Variants in CAP2 observed in about 807,000 individuals in gnomAD.
CAP2 encodes adenylyl cyclase-associated protein 2.
A neutral mutation model predicts 57.7 loss-of-function variants in CAP2; 24 were observed. That is an observed-to-expected ratio of 0.42 (90% CI 0.30 to 0.58). The LOEUF is 0.58. Among genes scored for constraint, CAP2 ranks in the 20% least tolerant of loss-of-function variants. CAP2 has a pLI of 0.22. For missense variants in CAP2, 501 were observed against 590.3 expected (o/e 0.85, Z 1.57); for synonymous variants, 194 against 207.2 (o/e 0.94, Z 0.55).
At chr6:17,533,487 G>A (rs1357241576) in intron 7 of CAP2, among the ~76,000 whole-genome samples, 1 of 151,868 alleles carries the variant, frequency 6.6e-6, no homozygotes, top group Admixed American at 6.6e-5. Flanking sequence ...GCATTTTTCG[G>A]CGTTGTGCTG....
Position 17,408,521 on chromosome 6 carries a change from G to T in CAP2, c.-1-13034G>T, listed in dbSNP as rs1759048885. On this transcript the variant is annotated intron_variant, in intron 1 of 12. Coordinates refer to ENST00000229922, the MANE Select transcript of CAP2 (RefSeq NM_006366.3). Reference sequence around the variant, plus strand: ...GGGATCAGATTTCAACATAAGTTTTGCAGGGGGTCAAACAAACCAGACCAT... The same window carrying T: ...GGGATCAGATTTCAACATAAGTTTTTCAGGGGGTCAAACAAACCAGACCAT... 2.0e-5 allele frequency among the ~76,000 whole-genome samples: 3 copies of T among 152,220 alleles called. No individual in the cohort carries two copies. The South Asian group carries it at 6.2e-4, about 32-fold the overall frequency.
chr6:17,418,897 G>A (rs1290057833), intron 1 of CAP2, among the ~76,000 whole-genome samples: 1 of 151,880 alleles, frequency 6.6e-6, no homozygotes, highest in Admixed American at 6.6e-5. Flanking sequence ...CTTCAATTGC[G>A]ATGGAAGCAC....
At chr6:17,507,128 T>A (rs1168311156) in intron 4 of CAP2, 41 bp from the exon 5 acceptor site, 1 of 1,612,486 alleles carries the variant, frequency 6.2e-7, no homozygotes, top group South Asian at 1.1e-5. Flanking sequence ...ATGCGTCTGC[T>A]CTGTCTGTAG....
intron 4 of CAP2, chr6:17,493,383 A>G (rs1158676535): frequency 2.7e-6 from 1 of 372,740 alleles, no homozygotes; most frequent in Non-Finnish European, 5.5e-6. Context: ...CTACAGGCCA[A>G]CAAGTTTTAG....
chr6:17,511,280 G>A (rs1010034298), intron 6 of CAP2, among the ~76,000 whole-genome samples: 24 of 152,016 alleles, frequency 1.6e-4, no homozygotes, highest in African/African-American at 5.8e-4. Context: ...CCGTGGTGCC[G>A]TCTCTGTGTC....
intron 4 of CAP2, among the ~76,000 whole-genome samples, chr6:17,473,851 G>T (rs1761082496): frequency 6.6e-6 from 1 of 152,168 alleles, no homozygotes; most frequent in Admixed American, 6.5e-5. Flanking sequence ...CTCGATTGAA[G>T]CTTCACTGTG....
intron 2 of CAP2, among the ~76,000 whole-genome samples, chr6:17,422,696 A>G (rs1759481283): frequency 6.6e-6 from 1 of 152,120 alleles, no homozygotes; most frequent in South Asian, 2.1e-4. Flanking sequence ...ACTGTAAAAC[A>G]TTTTTTAATT....
At chr6:17,510,788 A>G (rs1272027168) in intron 6 of CAP2, among the ~76,000 whole-genome samples, 1 of 152,190 alleles carries the variant, frequency 6.6e-6, no homozygotes, top group Non-Finnish European at 1.5e-5. Context: ...ACACACCTAC[A>G]CATGCCAGTT....
At chr6:17,531,409 T>A (rs1400284621) in intron 7 of CAP2, 1 of 1,595,146 alleles carries the variant, frequency 6.3e-7, no homozygotes, top group African/African-American at 1.3e-5. Context: ...AGTTGCCAGC[T>A]TTTCTTGCCA....
intron 3 of CAP2, among the ~76,000 whole-genome samples, chr6:17,452,790 A>T (rs1366220850): frequency 6.6e-6 from 1 of 152,158 alleles, no homozygotes; most frequent in African/African-American, 2.4e-5. Context: ...CCTTTCCCCC[A>T]GATAACTGTC....
chr6:17,513,923 A>G lies in CAP2; in HGVS notation c.605A>G (p.His202Arg). ...GAACTTCAAGCATACATCAAGGAACACCACACCACGGGCCTCACATGGAGC... is the reference window on the plus strand; with the variant it reads ...GAACTTCAAGCATACATCAAGGAACGCCACACCACGGGCCTCACATGGAGC... ...WSELQAYIKE[H>R]HTTGLTWSKT... is the part of the protein sequence containing the mutation. Residue 202 changes from histidine (H) to arginine (R), a missense_variant, in exon 7 of 13, where the codon CAC becomes CGC. Transcript: ENST00000229922. This position sits in a 1 kb window ranked among gnomAD's most constrained non-coding sequence, Gnocchi z 4.3. The G allele has an allele frequency of 6.2e-7, 1 of 1,613,400 alleles. No individual in the cohort carries two copies. The highest frequency in any genetic ancestry group is 2.2e-5 in the East Asian group (1 of 44,874).
intron 7 of CAP2, among the ~76,000 whole-genome samples, chr6:17,524,355 A>G (rs902972363): frequency 3.3e-5 from 5 of 152,182 alleles, no homozygotes; most frequent in South Asian, 2.1e-4. Context: ...TTATTATCTC[A>G]TAAATACCTT....
intron 3 of CAP2, among the ~76,000 whole-genome samples, chr6:17,444,803 T>TG (rs1489615826): frequency 0.024 from 1,867 of 76,624 alleles, 51 homozygotes; most frequent in African/African-American, 0.081. Context: ...TTTCTCTCTC[T>TG]CCACACACAC....
chr6:17,518,640 A>T (rs1169525576), intron 7 of CAP2, among the ~76,000 whole-genome samples: 1 of 151,450 alleles, frequency 6.6e-6, no homozygotes, highest in Non-Finnish European at 1.5e-5. Context: ...TTTTAATTTA[A>T]TTTTTTTGTT....
chr6:17,409,198 C>T (rs1259710564), intron 1 of CAP2, among the ~76,000 whole-genome samples: 2 of 151,078 alleles, frequency 1.3e-5, no homozygotes, highest in African/African-American at 4.9e-5. Flanking sequence ...ATGGTGAAAC[C>T]CCATCTCTAC....
rs565608339 is a variant in CAP2 at position 17,492,198 on chromosome 6, T to A, written c.301-14971T>A. ...TATAATCAACCATGGGAAATGGTTG[T>A]CTATTTTTTCTCTCTATAAATTTCC... On this transcript the variant is annotated intron_variant, in intron 4 of 12. Transcript: ENST00000229922. Among the ~76,000 whole-genome samples the A allele has an allele frequency of 5.9e-5, 9 of 152,356 alleles. No homozygotes were observed. In the East Asian group the frequency reaches 1.7e-3, roughly 29 times the overall value.
chr6:17,548,634 T>C (rs2113708938), intron 11 of CAP2, among the ~76,000 whole-genome samples: 1 of 152,180 alleles, frequency 6.6e-6, no homozygotes, highest in East Asian at 1.9e-4. Flanking sequence ...AAAATGGTCT[T>C]AAAATTCATT....
intron 7 of CAP2, chr6:17,530,843 AG>A: frequency 1.3e-6 from 1 of 766,064 alleles, no homozygotes; most frequent in African/African-American, 1.8e-5. Context: ...GTTTGAGAGC[AG>A]GTACTGTTTA....
intron 9 of CAP2, 25 bp from the exon 10 acceptor site, chr6:17,542,812 A>G: frequency 1.3e-6 from 2 of 1,587,356 alleles, no homozygotes; most frequent in Non-Finnish European, 1.7e-6. Flanking sequence ...CTGATGTTTA[A>G]TATTTGTATT....
Sources: gnomAD v4.1 joint callset for allele counts (sites outside exome capture counted in the v4.1 genomes callset) on GRCh38, gnomAD v4.1.1 for gene constraint, Gnocchi (gnomAD v3.1) non-coding constraint, MANE v1.5 for transcripts, NCBI Gene and HGNC (gene_info 2026-07-23, HGNC 2026-07-21) for gene names.